Variants in PCYT1A observed in about 807,000 individuals in gnomAD.
PCYT1A encodes phosphate cytidylyltransferase 1A, choline.
Under a neutral mutation model 43.7 loss-of-function variants are expected in PCYT1A, and 25 were observed. That is an observed-to-expected ratio of 0.57 (90% CI 0.42 to 0.80). The LOEUF (loss-of-function observed/expected upper bound fraction) is 0.80, where lower values mean the gene tolerates loss of function less well. Among genes scored for constraint, PCYT1A ranks in the 30% least tolerant of loss-of-function variants. PCYT1A has a pLI of 0.00. For missense variants in PCYT1A, 421 were observed against 474.2 expected (o/e 0.89, Z 1.04); for synonymous variants, 172 against 170.7 (o/e 1.01, Z -0.06).
chr3:196,242,729 A>G lies in PCYT1A; in HGVS notation c.487-89T>C, dbSNP rs1374964422. On this transcript the variant is annotated intron_variant, in intron 5 of 8. Coordinates refer to ENST00000431016, the MANE Select transcript of PCYT1A (RefSeq NM_001312673.2). This position sits in a 1 kb window ranked among gnomAD's most constrained non-coding sequence, Gnocchi z 4.2. The stretch of plus-strand genomic sequence containing the variant: ...TTCTCAGGCCCAGAAAAAGGACAAT[A>G]GGCAGAGGCCAGGCCTCAGTGGACT... 1.2e-6 allele frequency: 1 copy of G among 864,604 alleles called. No homozygotes were observed. The highest frequency in any genetic ancestry group is 1.6e-5 in the African/African-American group (1 of 60,676). The allele number at this position is 864,604 out of a possible 1,614,324, so 53.6% of individuals were successfully genotyped here.
At position 196,247,058 on chromosome 3, in the gene PCYT1A, T is replaced by C. The variant is rs1724591267; in HGVS notation, c.486+309A>G. ...TCCCAGCCCTGCCAATGGTGTAACT[T>C]GGAGCAGGTTATTTGGTTTCTCTAG... is the stretch of plus-strand genomic sequence containing the variant. On this transcript the variant is annotated intron_variant, in intron 5 of 8. Coordinates refer to ENST00000431016, the MANE Select transcript of PCYT1A (RefSeq NM_001312673.2). This position sits in a 1 kb window ranked among gnomAD's most constrained non-coding sequence, Gnocchi z 4.8. Among the ~76,000 whole-genome samples, 1 of 152,208 alleles carries C rather than the reference T, an allele frequency of 6.6e-6. No homozygotes were observed. The highest frequency in any genetic ancestry group is 1.9e-4 in the East Asian group (1 of 5,200).
rs116717669 is a variant in PCYT1A at position 196,281,468 on chromosome 3, T to C, written c.-11+6147A>G. On this transcript the variant is annotated intron_variant, in intron 1 of 8. Transcript: ENST00000431016. ...TGGCCAAAGATGGCCCACTACCTGT[T>C]TTTGTAATTAAAATTCGATCAGAAC... Among the ~76,000 whole-genome samples the C allele has an allele frequency of 5.0e-3, 756 of 152,276 alleles. 6 individuals carry two copies. Among genetic ancestry groups the C allele is most frequent in the African/African-American group, 0.018 (735 of 41,548 alleles).
chr3:196,243,536 CCACGG>C (rs1268843977), intron 5 of PCYT1A, among the ~76,000 whole-genome samples: 5 of 151,864 alleles, frequency 3.3e-5, no homozygotes, highest in Admixed American at 6.6e-5. Flanking sequence ...CTCCCTCTCC[CCACGG>C]TCTCCCTCTC....
chr3:196,242,325 C>G lies in PCYT1A; in HGVS notation c.566-235G>C, dbSNP rs1724383077. On this transcript the variant is annotated intron_variant, in intron 6 of 8. Coordinates refer to ENST00000431016, the MANE Select transcript of PCYT1A (RefSeq NM_001312673.2). The surrounding 1 kb of genome is among the most constrained non-coding windows in gnomAD (Gnocchi z 4.2). ...TTAAGAAAAATATGAGAAAGGGTTT[C>G]CTGAAATTAAGAGAGATATCCAAAG... 1.5e-6 allele frequency: 1 copy of G among 654,972 alleles called. No individual in the cohort carries two copies. Among genetic ancestry groups the G allele is most frequent in the Admixed American group, 2.4e-5 (1 of 41,652 alleles). The allele number at this position is 654,972 out of a possible 1,614,324, so 40.6% of individuals were successfully genotyped here.
At chr3:196,240,791 A>C (rs1173294594) in intron 7 of PCYT1A, 1 of 152,196 alleles carries the variant, frequency 6.6e-6, no homozygotes, top group Non-Finnish European at 1.5e-5. Flanking sequence ...GGGAAAAATA[A>C]AGCTATAGTA....
At chr3:196,265,537 C>T in intron 2 of PCYT1A, among the ~76,000 whole-genome samples, 1 of 152,076 alleles carries the variant, frequency 6.6e-6, no homozygotes. Flanking sequence ...TCTTTTCTAT[C>T]CATTTCATCC....
rs940810827 is a variant in PCYT1A at position 196,247,038 on chromosome 3, G to T, written c.486+329C>A. On this transcript the variant is annotated intron_variant, in intron 5 of 8. Coordinates refer to ENST00000431016, the MANE Select transcript of PCYT1A (RefSeq NM_001312673.2). The surrounding 1 kb of genome is among the most constrained non-coding windows in gnomAD (Gnocchi z 4.8). ...TAACTTGTGGCGAGTTCAGTTCCCA[G>T]CCCTGCCAATGGTGTAACTTGGAGC... Among the ~76,000 whole-genome samples the T allele has an allele frequency of 6.6e-6, 1 of 152,056 alleles. No homozygotes were observed. The highest frequency in any genetic ancestry group is 2.4e-5 in the African/African-American group (1 of 41,394).
rs1724378790 is a variant in PCYT1A, at chr3:196,242,181, C to T, written c.566-91G>A. ...TGGAAATTGGGGGCAACATTCCTTT[C>T]CTTTCCTCAAAAAGCAGAATCTGTT... On this transcript the variant is annotated intron_variant, in intron 6 of 8. Transcript: ENST00000431016. The surrounding 1 kb of genome is among the most constrained non-coding windows in gnomAD (Gnocchi z 4.2). The T allele has an allele frequency of 7.8e-7, 1 of 1,285,046 alleles. No individual in the cohort carries two copies. The highest frequency in any genetic ancestry group is 2.3e-5 in the East Asian group (1 of 43,162). The allele number at this position is 1,285,046 out of a possible 1,614,324, so 79.6% of individuals were successfully genotyped here. A position where few individuals can be genotyped will look rare whatever the true frequency, so the allele number is the denominator to read the frequency against.
chr3:196,278,480 G>A (rs938309020), intron 1 of PCYT1A, among the ~76,000 whole-genome samples: 6 of 152,180 alleles, frequency 3.9e-5, no homozygotes, highest in Non-Finnish European at 7.3e-5. Context: ...ACTGGGAAAT[G>A]ATCGCGCCTC....
At chr3:196,269,557 A>G (rs1025822660) in intron 2 of PCYT1A, among the ~76,000 whole-genome samples, 1 of 152,102 alleles carries the variant, frequency 6.6e-6, no homozygotes, top group Admixed American at 6.6e-5. Flanking sequence ...GAGACAGGAT[A>G]GGCAGTGTGG....
chr3:196,278,419 C>T (rs1169096211), intron 1 of PCYT1A, among the ~76,000 whole-genome samples: 1 of 152,108 alleles, frequency 6.6e-6, no homozygotes, highest in East Asian at 1.9e-4. Flanking sequence ...AAAAAATACA[C>T]GCACACACAC....
At chr3:196,270,962 G>GAA (rs1725412808) in intron 1 of PCYT1A, among the ~76,000 whole-genome samples, 1 of 152,320 alleles carries the variant, frequency 6.6e-6, no homozygotes, top group South Asian at 2.1e-4. Context: ...TGCAGGTAGA[G>GAA]AAAAGAGCCT....
intron 2 of PCYT1A, among the ~76,000 whole-genome samples, chr3:196,260,207 G>A (rs1293324276): frequency 6.6e-6 from 1 of 152,032 alleles, no homozygotes. Flanking sequence ...ACAGGCTTGA[G>A]CCACCATGCC....
chr3:196,251,528 G>GT (rs1482231326), intron 3 of PCYT1A: 1 of 152,710 alleles, frequency 6.5e-6, no homozygotes, highest in African/African-American at 2.4e-5. Flanking sequence ...GCTGAAAGGA[G>GT]TATCAGCAAC....
At chr3:196,266,708 G>A (rs1725284272) in intron 2 of PCYT1A, among the ~76,000 whole-genome samples, 1 of 151,818 alleles carries the variant, frequency 6.6e-6, no homozygotes, top group Non-Finnish European at 1.5e-5. Flanking sequence ...TGAGCAACAT[G>A]GTAAAACCCC....
At position 196,239,531 on chromosome 3, in the gene PCYT1A, G is replaced by A; in HGVS notation, c.897+16C>T. Reference sequence around the variant, plus strand: ...AACATGGAACTCCCTACATTGTCCAGTGGGAAAGAACATACCAGTGCTCCT... The same window carrying A: ...AACATGGAACTCCCTACATTGTCCAATGGGAAAGAACATACCAGTGCTCCT... On this transcript the variant is annotated intron_variant, in intron 8 of 8. Transcript: ENST00000431016. The A allele has an allele frequency of 6.4e-6, 10 of 1,551,076 alleles. No homozygotes were observed. The highest frequency in any genetic ancestry group is 8.9e-6 in the Non-Finnish European group (10 of 1,123,630).
chr3:196,241,053 C>A (rs142123859), intron 7 of PCYT1A, among the ~76,000 whole-genome samples: 9 of 142,492 alleles, frequency 6.3e-5, no homozygotes, highest in Non-Finnish European at 6.0e-5. Flanking sequence ...CAGCACTTTG[C>A]GAGGCCAAGG....
intron 3 of PCYT1A, among the ~76,000 whole-genome samples, chr3:196,253,666 G>A (rs1203742739): frequency 1.3e-5 from 2 of 152,094 alleles, no homozygotes; most frequent in African/African-American, 2.4e-5. Flanking sequence ...TCCCAGATGC[G>A]CCTCTTGCTC....
intron 3 of PCYT1A, among the ~76,000 whole-genome samples, chr3:196,249,050 G>A (rs961038659): frequency 2.6e-5 from 4 of 151,296 alleles, no homozygotes; most frequent in Admixed American, 6.6e-5. Context: ...GTGAGCAACC[G>A]CGCCCGGCCC....
Sources: allele counts gnomAD v4.1 joint callset (sites outside exome capture counted in the v4.1 genomes callset), GRCh38; gene constraint gnomAD v4.1.1; non-coding constraint Gnocchi (gnomAD v3.1); transcripts MANE v1.5; gene names NCBI Gene and HGNC (gene_info 2026-07-23, HGNC 2026-07-21).